MSRA: variants seen among roughly 807,000 people sequenced by gnomAD.
MSRA encodes mitochondrial peptide methionine sulfoxide reductase.
A neutral mutation model predicts 31.3 loss-of-function variants in MSRA; 54 were observed. That is an observed-to-expected ratio of 1.73 (90% CI 1.39 to 2.17). MSRA has a LOEUF of 2.17. MSRA is among the 30% of genes most tolerant of loss of function. The pLI is 0.00. For synonymous variants in MSRA, 169 were observed against 116.5 expected (o/e 1.45, Z -2.90); for missense variants, 507 against 300.9 (o/e 1.69, Z -5.07).
intron 2 of MSRA, among the ~76,000 whole-genome samples, chr8:10,217,517 A>T (rs1249569626): frequency 6.6e-6 from 1 of 152,184 alleles, no homozygotes; most frequent in Non-Finnish European, 1.5e-5. Context: ...TTTAAAAGGT[A>T]TTTGTTTTTT....
chr8:10,200,539 G>T (rs1177422565), intron 1 of MSRA, among the ~76,000 whole-genome samples: 1 of 152,130 alleles, frequency 6.6e-6, no homozygotes, highest in Non-Finnish European at 1.5e-5. Context: ...CCAGCTGCTG[G>T]TTGTCGCTTG....
At chr8:10,411,925 T>A (rs191969608) in intron 5 of MSRA, among the ~76,000 whole-genome samples, 2 of 152,334 alleles carry the variant, frequency 1.3e-5, no homozygotes, top group Non-Finnish European at 2.9e-5. Flanking sequence ...ACACCGCCCC[T>A]GGGAAGGGAA....
intron 5 of MSRA, among the ~76,000 whole-genome samples, chr8:10,365,722 C>G (rs1394283639): frequency 2.0e-5 from 3 of 152,170 alleles, no homozygotes; most frequent in African/African-American, 4.8e-5. Flanking sequence ...CCTCCTAATC[C>G]CAGCCTATAG....
At chr8:10,247,997 C>A (rs1422880556) in intron 3 of MSRA, among the ~76,000 whole-genome samples, 1 of 152,166 alleles carries the variant, frequency 6.6e-6, no homozygotes, top group Non-Finnish European at 1.5e-5. Flanking sequence ...GCAGGTTACA[C>A]TGGCGGGCCT....
In MSRA at chr8:10,118,083, C is replaced by T. The variant is rs552724274; in HGVS notation, c.142+63425C>T. ...TGTAAGGTTTTGGCGATTTTCTTTT[C>T]CCTGGGTGTTCATTCTCCCCTTGGG... On this transcript the variant is annotated intron_variant, in intron 1 of 5. Transcript: ENST00000317173. Among the ~76,000 whole-genome samples the T allele has an allele frequency of 5.3e-4, 80 of 152,292 alleles. No individual in the cohort carries two copies. In the South Asian group the frequency reaches 0.016, roughly 30 times the overall value.
intron 2 of MSRA, among the ~76,000 whole-genome samples, chr8:10,229,939 C>T (rs1396479984): frequency 6.6e-6 from 1 of 152,220 alleles, no homozygotes; most frequent in Non-Finnish European, 1.5e-5. Flanking sequence ...TTCGAAGCCT[C>T]AATGGATGGG....
intron 1 of MSRA, among the ~76,000 whole-genome samples, chr8:10,144,299 G>T (rs1802953013): frequency 6.6e-6 from 1 of 152,176 alleles, no homozygotes; most frequent in Non-Finnish European, 1.5e-5. Context: ...GAGCCAGTCT[G>T]CCTGGGTTCA....
chr8:10,263,237 T>G (rs1190319926), intron 3 of MSRA, among the ~76,000 whole-genome samples: 1 of 152,212 alleles, frequency 6.6e-6, no homozygotes, highest in Non-Finnish European at 1.5e-5. Flanking sequence ...TTGCTGACTT[T>G]CCCATTTCTT....
intron 5 of MSRA, among the ~76,000 whole-genome samples, chr8:10,424,033 C>T (rs1182113929): frequency 1.3e-5 from 2 of 152,212 alleles, no homozygotes; most frequent in African/African-American, 2.4e-5. Context: ...TGTAATGCAG[C>T]GTCATCAGCG....
chr8:10,074,456 A>T (rs1797898577), intron 1 of MSRA, among the ~76,000 whole-genome samples: 1 of 152,048 alleles, frequency 6.6e-6, no homozygotes, highest in Non-Finnish European at 1.5e-5. Flanking sequence ...ATGAAGTATG[A>T]CCTGAGTCTC....
chr8:10,391,456 G>A (rs1312693767), intron 5 of MSRA, among the ~76,000 whole-genome samples: 1 of 152,202 alleles, frequency 6.6e-6, no homozygotes, highest in African/African-American at 2.4e-5. Flanking sequence ...GTGAGTATCT[G>A]TGGCATTCTC....
At chr8:10,268,739 C>G (rs527380106) in intron 3 of MSRA, among the ~76,000 whole-genome samples, 64 of 152,360 alleles carry the variant, frequency 4.2e-4, no homozygotes, top group African/African-American at 1.4e-3. Context: ...CCCCAGGTTT[C>G]TTTTGAGCAG....
At chr8:10,153,541 C>A (rs1012671201) in intron 1 of MSRA, among the ~76,000 whole-genome samples, 1 of 152,066 alleles carries the variant, frequency 6.6e-6, no homozygotes, top group South Asian at 2.1e-4. Context: ...ATTTTAAGAC[C>A]GACAGTGGCA....
chr8:10,349,257 T>A (rs1216494638), intron 5 of MSRA, among the ~76,000 whole-genome samples: 2 of 152,212 alleles, frequency 1.3e-5, no homozygotes, highest in African/African-American at 4.8e-5. Context: ...ACCTTTGCTG[T>A]CATAGATGCA....
chr8:10,303,233 C>G (rs549652942), intron 4 of MSRA, among the ~76,000 whole-genome samples: 1 of 152,356 alleles, frequency 6.6e-6, no homozygotes, highest in East Asian at 1.9e-4. Context: ...GATAGAATCT[C>G]CTTAGGCTTA....
At chr8:10,342,103 G>C (rs955331374) in intron 5 of MSRA, among the ~76,000 whole-genome samples, 1 of 152,146 alleles carries the variant, frequency 6.6e-6, no homozygotes, top group Non-Finnish European at 1.5e-5. Flanking sequence ...TATCTGGTTA[G>C]TAATCAGCTG....
chr8:10,156,668 G>A (rs976218442), intron 1 of MSRA, among the ~76,000 whole-genome samples: 8 of 152,116 alleles, frequency 5.3e-5, no homozygotes, highest in Admixed American at 1.3e-4. Context: ...TCTGCAAGAT[G>A]AGCATATTCT....
intron 3 of MSRA, among the ~76,000 whole-genome samples, chr8:10,287,031 T>C (rs984262232): frequency 1.3e-5 from 2 of 152,230 alleles, no homozygotes; most frequent in Non-Finnish European, 2.9e-5. Context: ...CTTGGCACAG[T>C]TTCCCAGCAC....
chr8:10,388,447 T>C (rs1806529603), intron 5 of MSRA, among the ~76,000 whole-genome samples: 1 of 152,226 alleles, frequency 6.6e-6, no homozygotes, highest in African/African-American at 2.4e-5. Flanking sequence ...CTCCTGTGTC[T>C]GCAGTTTCTC....
Sources: gnomAD v4.1 joint callset for allele counts (sites outside exome capture counted in the v4.1 genomes callset) on GRCh38, gnomAD v4.1.1 for gene constraint, MANE v1.5 for transcripts, NCBI Gene and HGNC (gene_info 2026-07-23, HGNC 2026-07-21) for gene names.